The following ARHGEF4 variants were observed in gnomAD, a reference collection of about 807,000 sequenced individuals.
The protein encoded by ARHGEF4 is Rho guanine nucleotide exchange factor 4, also known as APC-stimulated guanine nucleotide exchange factor 1.
Under a neutral mutation model 162.0 loss-of-function variants are expected in ARHGEF4, and 119 were observed. The observed-to-expected ratio is 0.73, with a 90% CI of 0.63 to 0.86. The LOEUF (loss-of-function observed/expected upper bound fraction) is 0.86. ARHGEF4 is among the 40% of genes least tolerant of loss of function. The pLI is 0.00. For missense variants in ARHGEF4, 2,488 were observed against 2,456.0 expected, an observed-to-expected ratio of 1.01 and a Z score of -0.28; for synonymous variants, 1,014 against 979.9, an observed-to-expected ratio of 1.03 and a Z score of -0.65.
intron 1 of ARHGEF4, chr2:130,837,726 G>C (rs1373535457): frequency 2.5e-6 from 1 of 402,278 alleles, no homozygotes; most frequent in Non-Finnish European, 5.0e-6. Context: ...GGGCGGTTGC[G>C]ACGCTGGGTG....
chr2:130,996,176 C>T (rs982155550), intron 4 of ARHGEF4, among the ~76,000 whole-genome samples: 1 of 152,158 alleles, frequency 6.6e-6, no homozygotes, highest in South Asian at 2.1e-4. Flanking sequence ...GCATGAGCCA[C>T]CACGCCCAGC....
chr2:130,903,156 A>C (rs1680595216), intron 1 of ARHGEF4, among the ~76,000 whole-genome samples: 1 of 147,808 alleles, frequency 6.8e-6, no homozygotes, highest in Non-Finnish European at 1.5e-5. Flanking sequence ...TTCATTTAGA[A>C]TTTTTATGGT....
intron 4 of ARHGEF4, among the ~76,000 whole-genome samples, chr2:131,001,235 G>A (rs549899335): frequency 1.8e-4 from 26 of 143,136 alleles, no homozygotes; most frequent in African/African-American, 6.1e-4. Flanking sequence ...CCTAGGAGGC[G>A]GAAGTTGCAG....
intron 1 of ARHGEF4, among the ~76,000 whole-genome samples, chr2:130,905,393 T>G (rs1006591560): frequency 6.6e-6 from 1 of 152,202 alleles, no homozygotes; most frequent in African/African-American, 2.4e-5. Context: ...TCAAGTGAAA[T>G]TACGTAGTCA....
At chr2:131,034,874 CCCGCCGCCG>C (rs1049221508) in intron 5 of ARHGEF4, 2 of 635,230 alleles carry the variant, frequency 3.1e-6, no homozygotes, top group Non-Finnish European at 3.9e-6. Context: ...GCCTCTCCAG[CCCGCCGCCG>C]CCGCCGCCCC....
At chr2:130,894,004 A>G (rs1031360417) in intron 1 of ARHGEF4, among the ~76,000 whole-genome samples, 2 of 152,180 alleles carry the variant, frequency 1.3e-5, no homozygotes, top group African/African-American at 4.8e-5. Context: ...CCAGGGTCTG[A>G]AGGAGATGGG....
chr2:131,046,197 C>A lies in ARHGEF4; in HGVS notation c.*8C>A. ...GCACCCTTCCGCAAGTGAACTGGTC[C>A]CTGCCTGACAGCACCTGCTGGGCCT... On this transcript the variant is annotated 3_prime_UTR_variant, in exon 14 of 14. Coordinates refer to ENST00000409359, the MANE Select transcript of ARHGEF4 (RefSeq NM_001367493.1). 7 of 1,605,974 alleles carry A rather than the reference C, an allele frequency of 4.4e-6. No individual in the cohort carries two copies. Among genetic ancestry groups the A allele is most frequent in the Non-Finnish European group, 6.0e-6 (7 of 1,174,954 alleles).
In ARHGEF4 at chr2:130,975,362, C is replaced by T. The variant is rs570989061; in HGVS notation, c.3985+28727C>T. 2.4e-3 allele frequency among the ~76,000 whole-genome samples: 370 copies of T among 152,274 alleles called. 2 individuals carry two copies. Among genetic ancestry groups the T allele is most frequent in the Non-Finnish European group, 4.4e-3 (300 of 68,010 alleles). On this transcript the variant is annotated intron_variant, in intron 4 of 13. Transcript: ENST00000409359. The stretch of plus-strand genomic sequence containing the variant: ...CAGCAGACACCCACCTGAGAGCATG[C>T]TCTTCAGATGCAAACCACCAGGCCA...
Position 130,967,311 on chromosome 2 carries a change from A to G in ARHGEF4, c.3985+20676A>G, listed in dbSNP as rs550949197. On this transcript the variant is annotated intron_variant, in intron 4 of 13. Transcript: ENST00000409359. ...ATATAGCTGACAGGGTGGAATTTCC[A>G]TGGCCCTTCTTTCTGCCCCGCTGTT... 1.3e-5 allele frequency among the ~76,000 whole-genome samples: 2 copies of G among 152,296 alleles called. 1 individual carries two copies. Among genetic ancestry groups the G allele is most frequent in the African/African-American group, 4.8e-5 (2 of 41,574 alleles).
intron 4 of ARHGEF4, among the ~76,000 whole-genome samples, chr2:130,954,068 A>T (rs1331544232): frequency 6.6e-6 from 1 of 152,210 alleles, no homozygotes; most frequent in Non-Finnish European, 1.5e-5. Flanking sequence ...TACCCAAAGG[A>T]TTATAAATCA....
rs1427047598 is a variant in ARHGEF4 at position 131,041,902 on chromosome 2, C to T, written c.4983C>T (p.Ile1661=). 1.2e-6 allele frequency: 2 copies of T among 1,613,650 alleles called. No homozygotes were observed. Among genetic ancestry groups the T allele is most frequent in the African/African-American group, 1.3e-5 (1 of 75,066 alleles). Residue 1661 remains isoleucine (I), a synonymous_variant, in exon 10 of 14, where the codon ATC becomes ATT. Coordinates refer to ENST00000409359, the MANE Select transcript of ARHGEF4 (RefSeq NM_001367493.1). ...AGCGGAAGCGGAGACTTGAGAACAT[C>T]GACAAGATTGCTCAGTGGCAGAGCT... ...INERKRRLEN[I]DKIAQWQSSI...
At chr2:130,931,476 A>T (rs1275006520) in intron 3 of ARHGEF4, among the ~76,000 whole-genome samples, 1 of 152,192 alleles carries the variant, frequency 6.6e-6, no homozygotes, top group Admixed American at 6.5e-5. Context: ...AGAGCCACAG[A>T]AGCCAGGGCC....
intron 1 of ARHGEF4, among the ~76,000 whole-genome samples, chr2:130,871,927 G>A (rs1378848781): frequency 6.6e-6 from 1 of 152,228 alleles, no homozygotes; most frequent in East Asian, 1.9e-4. Flanking sequence ...GGTGGGTGTG[G>A]GAGCCTATCC....
chr2:130,854,622 CA>C (rs1681630463), intron 1 of ARHGEF4, among the ~76,000 whole-genome samples: 1 of 152,212 alleles, frequency 6.6e-6, no homozygotes. Context: ...CCAAGCACAG[CA>C]GGCTGGCCCC....
chr2:130,993,221 T>C (rs1464273108), intron 4 of ARHGEF4, among the ~76,000 whole-genome samples: 1 of 152,258 alleles, frequency 6.6e-6, no homozygotes, highest in African/African-American at 2.4e-5. Context: ...AGTTTGAATA[T>C]TTTCTAATTT....
intron 6 of ARHGEF4, chr2:131,039,380 G>A: frequency 9.2e-7 from 1 of 1,081,662 alleles, no homozygotes; most frequent in East Asian, 6.9e-5. Flanking sequence ...AGCCCCGGGA[G>A]TGGGAACCAT....
intron 2 of ARHGEF4, among the ~76,000 whole-genome samples, chr2:130,926,056 T>TTCTTTCTTTCTCTCTCTC (rs1559043918): frequency 9.7e-6 from 1 of 103,074 alleles, no homozygotes; most frequent in African/African-American, 3.4e-5. Flanking sequence ...TTCTCTTTCT[T>TTCTTTCTTTCTCTCTCTC]TCTTTCTTTC....
At position 130,906,783 on chromosome 2, in the gene ARHGEF4, C is replaced by A. The variant is rs547604918; in HGVS notation, c.40-7203C>A. Among the ~76,000 whole-genome samples, 8 of 152,340 alleles carry A rather than the reference C, an allele frequency of 5.3e-5. No individual in the cohort carries two copies. In the South Asian group the frequency reaches 1.7e-3, roughly 32 times the overall value. ...CTTAGGTCAGCTCCTTTATTTCCTACCCCTGTCAGCATGGCTATATCATTA... is the reference window on the plus strand; with the variant it reads ...CTTAGGTCAGCTCCTTTATTTCCTAACCCTGTCAGCATGGCTATATCATTA... On this transcript the variant is annotated intron_variant, in intron 1 of 13. Coordinates refer to ENST00000409359, the MANE Select transcript of ARHGEF4 (RefSeq NM_001367493.1).
At chr2:130,924,359 C>T (rs560705429) in intron 2 of ARHGEF4, among the ~76,000 whole-genome samples, 1 of 151,112 alleles carries the variant, frequency 6.6e-6, no homozygotes, top group Non-Finnish European at 1.5e-5. Flanking sequence ...TTCCGTCTCC[C>T]GGGTTCGAAT....
Sources: gnomAD v4.1 joint callset for allele counts (sites outside exome capture counted in the v4.1 genomes callset) on GRCh38, gnomAD v4.1.1 for gene constraint, MANE v1.5 for transcripts, NCBI Gene and HGNC (gene_info 2026-07-23, HGNC 2026-07-21) for gene names.